KLRG1: variants seen among roughly 807,000 people sequenced by gnomAD.
KLRG1 encodes the protein killer cell lectin-like receptor subfamily G member 1.
In KLRG1, 16 loss-of-function variants were observed where a neutral mutation model predicts 21.8. The ratio of observed to expected loss-of-function variants is 0.73; its 90% CI spans 0.50 to 1.11. The LOEUF is 1.11. KLRG1 is among the 50% of genes most tolerant of loss of function. The probability of loss-of-function intolerance (pLI) is 0.00; values close to 1 mark genes in which losing one functional copy is unlikely to be tolerated. For synonymous variants in KLRG1, 69 were observed against 75.9 expected (o/e 0.91, Z 0.47); for missense variants, 173 against 218.3 (o/e 0.79, Z 1.31).
At chr12:9,207,431 G>A in the KLRG1 span, among the ~76,000 whole-genome samples, 3 of 152,206 alleles carry the variant, frequency 2.0e-5, no homozygotes, top group Non-Finnish European at 2.9e-5. Flanking sequence ...CTGCAAAGGG[G>A]CAAGGTGACC....
chr12:9,061,477 T>C, the KLRG1 span, among the ~76,000 whole-genome samples: 1 of 152,102 alleles, frequency 6.6e-6, no homozygotes, highest in South Asian at 2.1e-4. Context: ...GACTTTTCTT[T>C]AGAGGTAAAG....
At position 8,992,289 on chromosome 12, in the gene KLRG1, T is replaced by A. The variant is rs767474874; in HGVS notation, c.166T>A (p.Tyr56Asn). 6.2e-7 allele frequency: 1 copy of A among 1,612,792 alleles called. No individual in the cohort carries two copies. The highest frequency in any genetic ancestry group is 8.5e-7 in the Non-Finnish European group (1 of 1,179,430). The change falls in exon 2 of 5, where the codon TAC becomes AAC. Residue 56 changes from tyrosine to asparagine, a missense_variant. Transcript: ENST00000356986. ...TGCAGTTCTTCTGAGTGTGCTGCTA[T>A]ACCAGTGGATCCTGTGCCAGGGTAA... is the stretch of plus-strand genomic sequence containing the variant. ...LTAVLLSVLL[Y>N]QWILCQGSNY...
At chr12:9,169,655 T>A in the KLRG1 span, 1 of 1,395,400 alleles carries the variant, frequency 7.2e-7, no homozygotes, top group Non-Finnish European at 9.5e-7. Flanking sequence ...TAGAATGAAC[T>A]GAGAGAAATA....
the KLRG1 span, among the ~76,000 whole-genome samples, chr12:9,211,635 T>C: frequency 6.6e-6 from 1 of 152,190 alleles, no homozygotes; most frequent in Non-Finnish European, 1.5e-5. Flanking sequence ...ATTGGTTTCC[T>C]TTGGTGGTAT....
At chr12:9,035,799 A>G in the KLRG1 span, among the ~76,000 whole-genome samples, 1 of 152,226 alleles carries the variant, frequency 6.6e-6, no homozygotes, top group Non-Finnish European at 1.5e-5. Context: ...CATCTACACC[A>G]TGAAATACTA....
chr12:9,207,227 TA>T, the KLRG1 span, among the ~76,000 whole-genome samples: 2 of 152,170 alleles, frequency 1.3e-5, no homozygotes, highest in African/African-American at 4.8e-5. Context: ...GACTTCCCTG[TA>T]TCAGTCTGGA....
the KLRG1 span, among the ~76,000 whole-genome samples, chr12:9,045,452 A>G: frequency 4.6e-5 from 7 of 152,190 alleles, no homozygotes; most frequent in Non-Finnish European, 1.0e-4. Context: ...TACCCAATAT[A>G]TAATAATCTA....
At chr12:9,157,950 CA>C in the KLRG1 span, 2 of 934,224 alleles carry the variant, frequency 2.1e-6, no homozygotes, top group Non-Finnish European at 3.4e-6. Context: ...CAAAGTATAC[CA>C]TTTCCTTCTC....
rs755055403 is a variant in KLRG1, at chr12:8,989,676, C to T, written c.41C>T (p.Thr14Met). The T allele has an allele frequency of 2.0e-5, 32 of 1,610,264 alleles. No homozygotes were observed. Among genetic ancestry groups the T allele is most frequent in the Middle Eastern group, 1.6e-4 (1 of 6,078 alleles). Residue 14 changes from threonine (T) to methionine (M), a missense_variant, in exon 1 of 5, where the codon ACG (threonine) becomes ATG (methionine). Physicochemically the swap from Thr to Met is moderately conservative, Grantham distance 81 (BLOSUM62 -1). This residue lies in a region of KLRG1 where 144 missense variants were observed against 161.5 expected (regional missense o/e 0.89). Coordinates refer to ENST00000356986, the MANE Select transcript of KLRG1 (RefSeq NM_005810.4). ...SVIYSMLELP[T>M]ATQAQNDYGP... Reference sequence around the variant, plus strand: ...ATTTATTCCATGTTAGAGTTGCCTACGGCAACCCAAGCCCAGAATGACTAT... The same window carrying T: ...ATTTATTCCATGTTAGAGTTGCCTATGGCAACCCAAGCCCAGAATGACTAT...
the KLRG1 span, chr12:9,057,761 C>T: frequency 6.6e-6 from 1 of 152,332 alleles, no homozygotes; most frequent in Non-Finnish European, 1.5e-5. Context: ...ACCAGGGAGG[C>T]CTCATCTCTT....
chr12:9,162,961 T>A, the KLRG1 span, among the ~76,000 whole-genome samples: 1 of 152,160 alleles, frequency 6.6e-6, no homozygotes, highest in Non-Finnish European at 1.5e-5. Flanking sequence ...GCCCCATATA[T>A]GTTGCTCGCC....
chr12:9,021,337 C>T, the KLRG1 span, among the ~76,000 whole-genome samples: 1 of 151,998 alleles, frequency 6.6e-6, no homozygotes, highest in South Asian at 2.1e-4. Context: ...ATGAAATAAC[C>T]TTAGCTTACT....
chr12:9,139,504 T>G, the KLRG1 span, among the ~76,000 whole-genome samples: 1 of 152,250 alleles, frequency 6.6e-6, no homozygotes, highest in Non-Finnish European at 1.5e-5. Flanking sequence ...GTCTGAATGA[T>G]GTATCCATTA....
the KLRG1 span, among the ~76,000 whole-genome samples, chr12:9,019,981 C>T: frequency 6.6e-6 from 1 of 152,278 alleles, no homozygotes; most frequent in Non-Finnish European, 1.5e-5. Flanking sequence ...CACTTTTCAA[C>T]TCTTTCCAAG....
chr12:8,996,151 G>T (rs748204511), intron 3 of KLRG1, among the ~76,000 whole-genome samples: 1 of 152,086 alleles, frequency 6.6e-6, no homozygotes, highest in East Asian at 1.9e-4. Context: ...GAAAACACGC[G>T]TGCACGTGCA....
chr12:9,143,510 G>T, the KLRG1 span, among the ~76,000 whole-genome samples: 595 of 152,186 alleles, frequency 3.9e-3, 6 homozygotes, highest in South Asian at 0.024. Context: ...TCAGAGGAAG[G>T]AGAAACCTGG....
At chr12:9,169,358 G>T in the KLRG1 span, 2 of 1,353,570 alleles carry the variant, frequency 1.5e-6, no homozygotes, top group South Asian at 1.5e-5. Flanking sequence ...CTAAGATTAT[G>T]AATAGATACA....
the KLRG1 span, chr12:9,072,328 A>G: frequency 6.2e-7 from 1 of 1,608,574 alleles, no homozygotes. Flanking sequence ...GGTTATTCTT[A>G]GGATTAGGTG....
chr12:9,017,264 C>CAAAAAAAAAAAAAAAAAAAAAAA, the KLRG1 span, among the ~76,000 whole-genome samples: 1 of 53,130 alleles, frequency 1.9e-5, no homozygotes, highest in African/African-American at 8.0e-5. Context: ...AACTCCATCT[C>CAAAAAAAAAAAAAAAAAAAAAAA]AAAAAAAAAA....
Sources: gnomAD v4.1 joint callset for allele counts (sites outside exome capture counted in the v4.1 genomes callset) on GRCh38, gnomAD v4.1.1 for gene constraint, gnomAD v4.1.1 regional missense constraint, MANE v1.5 for transcripts, NCBI Gene and HGNC (gene_info 2026-07-23, HGNC 2026-07-21) for gene names.